The following OLFM1 variants were observed in gnomAD, a reference collection of about 807,000 sequenced individuals.
The protein encoded by OLFM1 is noelin.
In OLFM1, 9 loss-of-function variants were observed where a neutral mutation model predicts 49.7. The observed-to-expected ratio is 0.18, with a 90% confidence interval of 0.11 to 0.32. The LOEUF (loss-of-function observed/expected upper bound fraction) is 0.32. Ranked by LOEUF, OLFM1 falls within the 10% of genes least tolerant of loss-of-function variation. The pLI is 1.00. For missense variants in OLFM1, 369 were observed against 661.8 expected (o/e 0.56, Z 4.85); for synonymous variants, 240 against 271.8 (o/e 0.88, Z 1.15).
intron 2 of OLFM1, among the ~76,000 whole-genome samples, chr9:135,091,906 C>CAA (rs1830721245): frequency 6.7e-6 from 1 of 148,150 alleles, no homozygotes; most frequent in Non-Finnish European, 1.5e-5. Context: ...GTCACACACA[C>CAA]ACACACATAG....
chr9:135,115,589 A>G (rs1831085894), intron 5 of OLFM1, among the ~76,000 whole-genome samples: 1 of 152,132 alleles, frequency 6.6e-6, no homozygotes, highest in Non-Finnish European at 1.5e-5. Context: ...GTGTGTGGGG[A>G]TGGGTAGCAG....
In OLFM1 at chr9:135,090,355, G is replaced by A. The variant is rs753364937; in HGVS notation, c.300+11G>A. On this transcript the variant is annotated intron_variant, in intron 2 of 5. Coordinates refer to ENST00000371793, the MANE Select transcript of OLFM1 (RefSeq NM_001282611.2). Reference sequence around the variant, plus strand: ...CAGCTACTGGAGAAGGTGAGTCTGCGCAGAGTGTGTGAGTTTGTATGTGTG... The same window carrying A: ...CAGCTACTGGAGAAGGTGAGTCTGCACAGAGTGTGTGAGTTTGTATGTGTG... 1.7e-5 allele frequency: 27 copies of A among 1,606,982 alleles called. No individual in the cohort carries two copies. Among genetic ancestry groups the A allele is most frequent in the South Asian group, 1.2e-4 (11 of 90,464 alleles).
intron 5 of OLFM1, among the ~76,000 whole-genome samples, chr9:135,111,446 G>A (rs1439282283): frequency 1.3e-5 from 2 of 152,018 alleles, no homozygotes; most frequent in Non-Finnish European, 2.9e-5. Flanking sequence ...AGGATGATCA[G>A]TGTGCGAGAC....
chr9:135,076,166 C>T, intron 1 of OLFM1: 4 of 1,550,320 alleles, frequency 2.6e-6, no homozygotes, highest in Non-Finnish European at 3.5e-6. Flanking sequence ...ATAGCCAAGA[C>T]CCCAGGCATT....
intron 5 of OLFM1, 114 bp downstream of exon 5, chr9:135,106,969 G>A: frequency 2.5e-6 from 2 of 785,618 alleles, no homozygotes; most frequent in Non-Finnish European, 4.0e-6. Context: ...TATGGACTGG[G>A]CAGCTTGGTG....
At chr9:135,076,550 A>G in intron 1 of OLFM1, 1 of 1,152,972 alleles carries the variant, frequency 8.7e-7, no homozygotes. Context: ...GGGGAGGAGA[A>G]GGGCTGTCTG....
intron 2 of OLFM1, among the ~76,000 whole-genome samples, chr9:135,091,682 T>TAGTCACACAC (rs1830702787): frequency 7.5e-5 from 1 of 13,248 alleles, no homozygotes; most frequent in Non-Finnish European, 1.4e-4. Context: ...CACTCACACA[T>TAGTCACACAC]AGTCTCACAC....
chr9:135,079,048 A>C (rs1233000034), intron 1 of OLFM1, among the ~76,000 whole-genome samples: 2 of 152,194 alleles, frequency 1.3e-5, no homozygotes, highest in African/African-American at 4.8e-5. Flanking sequence ...CCTGGGTACC[A>C]GCTGGTTAGA....
At chr9:135,085,581 A>G (rs1049304214), upstream of OLFM1, among the ~76,000 whole-genome samples, 1 of 152,268 alleles carries the variant, frequency 6.6e-6, no homozygotes, top group Non-Finnish European at 1.5e-5. Context: ...CACCTGCCCC[A>G]TCAGCATCCG....
Position 135,119,786 on chromosome 9 carries a change from G to A in OLFM1, c.1066G>A (p.Asp356Asn), listed in dbSNP as rs746009113. Residue 356 changes from aspartate to asparagine, a missense_variant, in exon 6 of 6, where the codon GAC (aspartate) becomes AAC (asparagine). Coordinates refer to ENST00000371793, the MANE Select transcript of OLFM1 (RefSeq NM_001282611.2). ...CGCCTGGGGTGGCCACTCGGACATC[G>A]ACCTCATGGTGGACGAGAGCGGGCT... ...HYAWGGHSDI[D>N]LMVDESGLWA... 2 of 1,613,936 alleles carry A rather than the reference G, an allele frequency of 1.2e-6. No individual in the cohort carries two copies. The highest frequency in any genetic ancestry group is 1.1e-5 in the South Asian group (1 of 91,072).
At chr9:135,097,923 G>T in intron 3 of OLFM1, 1 of 1,510,526 alleles carries the variant, frequency 6.6e-7, no homozygotes, top group Non-Finnish European at 8.8e-7. Context: ...TTTCACTAAG[G>T]AACCTTGAAT....
At chr9:135,090,374 A>ATATG in intron 2 of OLFM1, 30 bp downstream of exon 2, 1 of 1,355,432 alleles carries the variant, frequency 7.4e-7, no homozygotes, top group Non-Finnish European at 1.0e-6. Context: ...GTGAGTTTGT[A>ATATG]TGTGTGTGTG....
intron 5 of OLFM1, among the ~76,000 whole-genome samples, chr9:135,116,960 A>AT (rs35332065): frequency 0.15 from 22,692 of 151,182 alleles, 1,938 homozygotes; most frequent in African/African-American, 0.23. Flanking sequence ...GAAGGTTATA[A>AT]TTTTTTTTTA....
At chr9:135,097,936 A>C in intron 3 of OLFM1, 1 of 1,486,550 alleles carries the variant, frequency 6.7e-7, no homozygotes, top group Non-Finnish European at 8.9e-7. Context: ...CCTTGAATAC[A>C]ACCAGGATCC....
At chr9:135,106,493 G>T in intron 4 of OLFM1, 1 of 487,890 alleles carries the variant, frequency 2.0e-6, no homozygotes, top group South Asian at 2.7e-5. Flanking sequence ...GCCTGGGAGG[G>T]CGGCCGTCTG....
At chr9:135,087,185 G>T (rs1830608764), upstream of OLFM1, 8 of 1,382,734 alleles carry the variant, frequency 5.8e-6, no homozygotes, top group South Asian at 1.3e-4. Context: ...GGAGGCCCTC[G>T]CGAGTCTGGC....
chr9:135,097,880 AT>A, intron 3 of OLFM1: 1 of 1,586,832 alleles, frequency 6.3e-7, no homozygotes. Context: ...TGCACCATGC[AT>A]TTTTACTATT....
chr9:135,100,065 G>A (rs1265634156), intron 4 of OLFM1, among the ~76,000 whole-genome samples: 1 of 152,096 alleles, frequency 6.6e-6, no homozygotes, highest in African/African-American at 2.4e-5. Flanking sequence ...GTCTCCCTCG[G>A]CCTCCGAAGA....
rs1432700771 is a variant in OLFM1 at position 135,090,220 on chromosome 9, G to C, written c.176G>C (p.Ser59Thr). 1.9e-6 allele frequency: 3 copies of C among 1,613,066 alleles called. No homozygotes were observed. Among genetic ancestry groups the C allele is most frequent in the Non-Finnish European group, 2.5e-6 (3 of 1,179,318 alleles). The stretch of plus-strand genomic sequence containing the variant: ...GTGCTGCCCACCAACCCTGAGGAGA[G>C]CTGGCAGGTGTACAGCTCTGCCCAG... ...TGVLPTNPEESWQVYSSAQDS... is the reference protein window; with the variant it reads ...TGVLPTNPEETWQVYSSAQDS... The change falls in exon 2 of 6, where the codon AGC becomes ACC. Residue 59 changes from serine (S) to threonine (T), a missense_variant. By Grantham distance (58) the Ser-to-Thr change is moderately conservative. Around this residue, in one of 3 missense-constraint regions of OLFM1, gnomAD observed 55 missense variants for 53.3 expected, o/e 1.03. Transcript: ENST00000371793.
Sources: gnomAD v4.1 joint callset for allele counts (sites outside exome capture counted in the v4.1 genomes callset) on GRCh38, gnomAD v4.1.1 for gene constraint, gnomAD v4.1.1 regional missense constraint, MANE v1.5 for transcripts, NCBI Gene and HGNC (gene_info 2026-07-23, HGNC 2026-07-21) for gene names.